CCDC85A: variants seen among roughly 807,000 people sequenced by gnomAD.
The protein encoded by CCDC85A is coiled-coil domain-containing protein 85A.
A neutral mutation model predicts 50.2 loss-of-function variants in CCDC85A; 38 were observed. That is an observed-to-expected ratio of 0.76 (90% CI 0.58 to 0.99). The LOEUF is 0.99. Ranked by LOEUF, CCDC85A falls within the 50% of genes least tolerant of loss-of-function variation. The pLI, the probability that CCDC85A is intolerant of heterozygous loss-of-function variation, is 0.00. For missense variants in CCDC85A, 820 were observed against 742.0 expected (o/e 1.11, Z -1.22); for synonymous variants, 366 against 301.4 (o/e 1.21, Z -2.22).
intron 2 of CCDC85A, 105 bp from the exon 3 acceptor site, chr2:56,342,774 C>G (rs1290478772): frequency 4.8e-6 from 3 of 625,352 alleles, no homozygotes; most frequent in Non-Finnish European, 8.2e-6. Flanking sequence ...AAATAACAGA[C>G]TAAATAGTCA....
chr2:56,317,048 A>G (rs1672953575), intron 2 of CCDC85A, among the ~76,000 whole-genome samples: 2 of 152,082 alleles, frequency 1.3e-5, no homozygotes, highest in African/African-American at 4.8e-5. Context: ...AATATTGGGA[A>G]ATTAACTAAG....
chr2:56,314,903 C>T (rs141656835), intron 2 of CCDC85A, among the ~76,000 whole-genome samples: 4 of 152,114 alleles, frequency 2.6e-5, no homozygotes, highest in South Asian at 2.1e-4. Context: ...TCCCTGGTTC[C>T]CAGATCATCA....
chr2:56,381,746 C>A (rs1323334460), intron 5 of CCDC85A, among the ~76,000 whole-genome samples: 1 of 151,998 alleles, frequency 6.6e-6, no homozygotes, highest in Non-Finnish European at 1.5e-5. Context: ...TTGTTTCTTT[C>A]CCTTTTCCTT....
intron 2 of CCDC85A, among the ~76,000 whole-genome samples, chr2:56,234,944 A>C (rs1668940656): frequency 6.6e-6 from 1 of 152,236 alleles, no homozygotes; most frequent in Non-Finnish European, 1.5e-5. Context: ...ATGTAGCTAT[A>C]AGCCTGCGTA....
At chr2:56,348,676 T>C (rs1027887847) in intron 3 of CCDC85A, among the ~76,000 whole-genome samples, 10 of 152,146 alleles carry the variant, frequency 6.6e-5, no homozygotes, top group Admixed American at 5.9e-4. Context: ...CTCACTTCCA[T>C]GGCAACACAG....
intron 2 of CCDC85A, among the ~76,000 whole-genome samples, chr2:56,339,230 T>G (rs1298646602): frequency 1.3e-5 from 2 of 152,242 alleles, no homozygotes; most frequent in South Asian, 2.1e-4. Flanking sequence ...TTGCCTTCAC[T>G]GTAAAGCCAT....
chr2:56,335,759 G>A (rs1002966285), intron 2 of CCDC85A, among the ~76,000 whole-genome samples: 2 of 151,750 alleles, frequency 1.3e-5, no homozygotes, highest in East Asian at 2.0e-4. Context: ...CTGCCACCAC[G>A]CCAGGCTAAT....
intron 3 of CCDC85A, among the ~76,000 whole-genome samples, chr2:56,343,917 G>T (rs550940142): frequency 6.6e-6 from 1 of 152,260 alleles, no homozygotes; most frequent in African/African-American, 2.4e-5. Flanking sequence ...AGACATTTTA[G>T]GTCTTTTTAA....
chr2:56,353,445 T>G (rs1675058089), intron 3 of CCDC85A, among the ~76,000 whole-genome samples: 1 of 152,244 alleles, frequency 6.6e-6, no homozygotes, highest in Non-Finnish European at 1.5e-5. Context: ...AGCTAACTCC[T>G]TCATTTCTAA....
intron 3 of CCDC85A, among the ~76,000 whole-genome samples, chr2:56,355,911 C>T (rs1263357286): frequency 1.3e-5 from 2 of 152,178 alleles, no homozygotes; most frequent in Non-Finnish European, 2.9e-5. Flanking sequence ...AACCCAGGAC[C>T]AGATGGGAGC....
intron 2 of CCDC85A, among the ~76,000 whole-genome samples, chr2:56,201,076 CCACACA>C (rs72152096): frequency 0.02 from 2,894 of 147,306 alleles, 55 homozygotes; most frequent in African/African-American, 0.034. Context: ...TCATCTCTCT[CCACACA>C]CACACACACA....
intron 2 of CCDC85A, among the ~76,000 whole-genome samples, chr2:56,327,368 C>A (rs1212664495): frequency 6.6e-6 from 1 of 152,090 alleles, no homozygotes; most frequent in Non-Finnish European, 1.5e-5. Flanking sequence ...TAAAAGGGAA[C>A]ACTTCCAACC....
chr2:56,271,153 G>T (rs1307044303), intron 2 of CCDC85A, among the ~76,000 whole-genome samples: 1 of 152,180 alleles, frequency 6.6e-6, no homozygotes, highest in Non-Finnish European at 1.5e-5. Context: ...CACTTCTCCT[G>T]TAGGATTTAC....
intron 4 of CCDC85A, among the ~76,000 whole-genome samples, chr2:56,373,397 G>T (rs557469319): frequency 4.0e-5 from 6 of 151,794 alleles, no homozygotes; most frequent in Admixed American, 2.0e-4. Context: ...AAAAAAGTGT[G>T]TTTTTTAATA....
At chr2:56,223,109 C>A (rs1668398081) in intron 2 of CCDC85A, among the ~76,000 whole-genome samples, 1 of 152,176 alleles carries the variant, frequency 6.6e-6, no homozygotes, top group African/African-American at 2.4e-5. Flanking sequence ...TTCAGACAAG[C>A]CTTGAGCAAT....
At chr2:56,216,875 G>A (rs1668072996) in intron 2 of CCDC85A, among the ~76,000 whole-genome samples, 1 of 150,702 alleles carries the variant, frequency 6.6e-6, no homozygotes, top group African/African-American at 2.4e-5. Flanking sequence ...TTCATCTTTT[G>A]CTCATGGGGC....
chr2:56,185,772 C>G (rs950126567), intron 1 of CCDC85A: 7 of 152,314 alleles, frequency 4.6e-5, no homozygotes, highest in Admixed American at 3.9e-4. Context: ...AGCTGCAGTA[C>G]ACTAGTGGCC....
chr2:56,375,583 G>A (rs1489557106), intron 4 of CCDC85A, among the ~76,000 whole-genome samples: 1 of 152,120 alleles, frequency 6.6e-6, no homozygotes, highest in Non-Finnish European at 1.5e-5. Flanking sequence ...TGGGGGTGGG[G>A]CATTTCAGAG....
chr2:56,204,278 A>G lies in CCDC85A; in HGVS notation c.1240+10838A>G, dbSNP rs57772885. On this transcript the variant is annotated intron_variant, in intron 2 of 5. Coordinates refer to ENST00000407595, the MANE Select transcript of CCDC85A (RefSeq NM_001080433.2). ...TTTTCTCCAAAGACATACCGATAAC[A>G]TTGTATTCTTAAATGTCTATTCACT... Among the ~76,000 whole-genome samples, 621 of 152,320 alleles carry G rather than the reference A, an allele frequency of 4.1e-3. 5 individuals are homozygous for G. The highest frequency in any genetic ancestry group is 0.014 in the African/African-American group (602 of 41,580).
Sources: gnomAD v4.1 joint callset for allele counts (sites outside exome capture counted in the v4.1 genomes callset) on GRCh38, gnomAD v4.1.1 for gene constraint, MANE v1.5 for transcripts, NCBI Gene and HGNC (gene_info 2026-07-23, HGNC 2026-07-21) for gene names.